KSR2: variants seen among roughly 807,000 people sequenced by gnomAD.
The protein encoded by KSR2 is kinase suppressor of ras 2.
In KSR2, 25 loss-of-function variants were observed where a neutral mutation model predicts 107.8. That is an observed-to-expected ratio of 0.23 (90% CI 0.17 to 0.32). KSR2 has a LOEUF of 0.32. KSR2 is among the 10% of genes least tolerant of loss of function. The probability of loss-of-function intolerance (pLI) is 1.00; values close to 1 mark genes in which losing one functional copy is unlikely to be tolerated. For missense variants in KSR2, 887 were observed against 1,268.9 expected (o/e 0.70, Z 4.57); for synonymous variants, 480 against 507.0 (o/e 0.95, Z 0.71).
At chr12:117,853,024 A>G (rs1169642407) in intron 3 of KSR2, among the ~76,000 whole-genome samples, 1 of 152,126 alleles carries the variant, frequency 6.6e-6, no homozygotes, top group East Asian at 1.9e-4. Context: ...GCTGGTCTCA[A>G]ACTCCTGACC....
chr12:117,571,702 A>G (rs893748780), intron 7 of KSR2, among the ~76,000 whole-genome samples: 2 of 152,200 alleles, frequency 1.3e-5, no homozygotes, highest in African/African-American at 4.8e-5. Context: ...CTAGGGAAGA[A>G]TAAGGCTCAA....
rs111360552 is a variant in KSR2 at position 117,867,939 on chromosome 12, T to C, written c.181-7508A>G. Among the ~76,000 whole-genome samples, 836 of 152,368 alleles carry C rather than the reference T, an allele frequency of 5.5e-3. 8 individuals carry two copies. Among genetic ancestry groups the C allele is most frequent in the African/African-American group, 0.019 (788 of 41,588 alleles). ...TCCAAAGCCCACCTCAAATGCCACC[T>C]GCTCCAGCAGGACCTTATAAATTCT... On this transcript the variant is annotated intron_variant, in intron 1 of 19. Coordinates refer to ENST00000339824, the MANE Select transcript of KSR2 (RefSeq NM_173598.6).
chr12:117,724,911 A>G (rs935719729), intron 4 of KSR2, among the ~76,000 whole-genome samples: 7 of 152,282 alleles, frequency 4.6e-5, no homozygotes, highest in African/African-American at 1.7e-4. Flanking sequence ...AAGAGGAGGA[A>G]TAGACTTGGC....
chr12:117,513,479 C>T lies in KSR2; in HGVS notation c.2219+11373G>A, dbSNP rs571229391. ...GTGCAGACACACTGATTTTACCCTT[C>T]CCACTCTCACCACCCCAGCATCTGC... is the stretch of plus-strand genomic sequence containing the variant. On this transcript the variant is annotated intron_variant, in intron 14 of 19. Transcript: ENST00000339824. Among the ~76,000 whole-genome samples, 6 of 152,292 alleles carry T rather than the reference C, an allele frequency of 3.9e-5. No individual in the cohort carries two copies. The South Asian group carries it at 1.0e-3, about 26-fold the overall frequency.
At chr12:117,651,059 G>A (rs529285417) in intron 5 of KSR2, among the ~76,000 whole-genome samples, 2 of 152,168 alleles carry the variant, frequency 1.3e-5, no homozygotes, top group African/African-American at 2.4e-5. Flanking sequence ...GGGATTTGTG[G>A]GAGGACCCTG....
At chr12:117,705,119 T>A (rs934407976) in intron 4 of KSR2, among the ~76,000 whole-genome samples, 1 of 152,038 alleles carries the variant, frequency 6.6e-6, no homozygotes, top group Non-Finnish European at 1.5e-5. Context: ...CTATAAAGGA[T>A]GAGTTCATTA....
intron 3 of KSR2, among the ~76,000 whole-genome samples, chr12:117,796,083 T>C (rs958554296): frequency 7.4e-6 from 1 of 135,734 alleles, no homozygotes; most frequent in Non-Finnish European, 1.6e-5. Context: ...TGTGCCACCA[T>C]GCCTAGCTAA....
At chr12:117,935,894 C>G (rs914403564) in intron 1 of KSR2, among the ~76,000 whole-genome samples, 2 of 152,210 alleles carry the variant, frequency 1.3e-5, no homozygotes, top group East Asian at 3.8e-4. Context: ...GCTTTTCCCC[C>G]CAGAGGTCCC....
rs76056795 is a variant in KSR2 at position 117,614,570 on chromosome 12, T to C, written c.1172-32211A>G. ...ATTTAATATCACTATTAGGAGTAAA[T>C]GATGAATCTGGTTGAAAAAGGAACC... On this transcript the variant is annotated intron_variant, in intron 5 of 19. Transcript: ENST00000339824. Among the ~76,000 whole-genome samples the C allele has an allele frequency of 1.2e-3, 177 of 152,298 alleles. 5 individuals are homozygous for C. In the East Asian group the frequency reaches 0.031, roughly 27 times the overall value.
At chr12:117,950,749 A>ATATAAT (rs60499991) in intron 1 of KSR2, among the ~76,000 whole-genome samples, 1 of 132,166 alleles carries the variant, frequency 7.6e-6, no homozygotes, top group Admixed American at 7.8e-5. Flanking sequence ...AAAAAAAAAA[A>ATATAAT]AATAATAATA....
At chr12:117,565,099 T>C (rs1243815619) in intron 7 of KSR2, among the ~76,000 whole-genome samples, 2 of 152,176 alleles carry the variant, frequency 1.3e-5, no homozygotes, top group Non-Finnish European at 2.9e-5. Context: ...CATGGCCCCC[T>C]GTGAAGCAGT....
chr12:117,570,044 C>T (rs900493241), intron 7 of KSR2, among the ~76,000 whole-genome samples: 15 of 151,682 alleles, frequency 9.9e-5, no homozygotes, highest in Admixed American at 4.6e-4. Context: ...GCTCTGTTGC[C>T]CAGGCTGGAG....
rs183934570 is a variant in KSR2, at chr12:117,830,096, C to T, written c.472+25332G>A. On this transcript the variant is annotated intron_variant, in intron 3 of 19. Transcript: ENST00000339824. ...CAGCTTGGCCAACGTGGTGAAACCCCGCCTCTACTAAAAATACAAAAATTA... is the reference window on the plus strand; with the variant it reads ...CAGCTTGGCCAACGTGGTGAAACCCTGCCTCTACTAAAAATACAAAAATTA... Among the ~76,000 whole-genome samples the T allele has an allele frequency of 8.4e-3, 1,274 of 152,012 alleles. 23 individuals are homozygous for T. The highest frequency in any genetic ancestry group is 0.029 in the African/African-American group (1,192 of 41,456).
At chr12:117,739,888 C>T (rs1888104837) in intron 4 of KSR2, among the ~76,000 whole-genome samples, 1 of 117,160 alleles carries the variant, frequency 8.5e-6, no homozygotes, top group African/African-American at 3.1e-5. Flanking sequence ...TTGGGTGTTA[C>T]TGTTTTTTTT....
intron 16 of KSR2, among the ~76,000 whole-genome samples, chr12:117,479,547 C>T (rs1165993631): frequency 4.6e-5 from 7 of 152,148 alleles, no homozygotes; most frequent in Non-Finnish European, 8.8e-5. Context: ...TTAGCACCCC[C>T]CTCCCCCTAA....
intron 5 of KSR2, among the ~76,000 whole-genome samples, chr12:117,612,108 A>G (rs75466077): frequency 3.6e-4 from 55 of 152,296 alleles, no homozygotes; most frequent in African/African-American, 1.2e-3. Flanking sequence ...AAAAATGGTT[A>G]AAGTGGTATA....
intron 1 of KSR2, among the ~76,000 whole-genome samples, chr12:117,886,604 A>T (rs1338862086): frequency 6.6e-6 from 1 of 152,154 alleles, no homozygotes; most frequent in Non-Finnish European, 1.5e-5. Flanking sequence ...ACACTCCCTG[A>T]TGTTTACACA....
intron 3 of KSR2, among the ~76,000 whole-genome samples, chr12:117,802,043 C>A (rs753429124): frequency 3.9e-5 from 6 of 152,166 alleles, no homozygotes; most frequent in Non-Finnish European, 8.8e-5. Context: ...TAATACAACA[C>A]ACATTCATTA....
intron 3 of KSR2, among the ~76,000 whole-genome samples, chr12:117,826,921 C>CA (rs1358867998): frequency 1.4e-5 from 2 of 147,656 alleles, no homozygotes; most frequent in African/African-American, 2.5e-5. Context: ...CCCATCTCTA[C>CA]AAAAAATACA....
Sources: allele counts gnomAD v4.1 joint callset (sites outside exome capture counted in the v4.1 genomes callset), GRCh38; gene constraint gnomAD v4.1.1; transcripts MANE v1.5; gene names NCBI Gene and HGNC (gene_info 2026-07-23, HGNC 2026-07-21).